PTPRD: variants seen among roughly 807,000 people sequenced by gnomAD.
PTPRD encodes receptor-type tyrosine-protein phosphatase delta.
PTPRD carries 34 observed loss-of-function variants against 214.5 expected under a neutral mutation model. The ratio of observed to expected loss-of-function variants is 0.16; its 90% CI spans 0.12 to 0.21. The LOEUF (loss-of-function observed/expected upper bound fraction) is 0.21, where lower values mean the gene tolerates loss of function less well. Among genes scored for constraint, PTPRD ranks in the 10% least tolerant of loss-of-function variants. The probability of loss-of-function intolerance (pLI) is 1.00; values close to 1 mark genes in which losing one functional copy is unlikely to be tolerated. For synonymous variants in PTPRD, 1,128 were observed against 845.7 expected (o/e 1.33, Z -5.79); for missense variants, 2,545 against 2,398.7 (o/e 1.06, Z -1.27).
chr9:9,755,210 G>T (rs1046817865), intron 6 of PTPRD, among the ~76,000 whole-genome samples: 2 of 151,990 alleles, frequency 1.3e-5, no homozygotes, highest in Non-Finnish European at 2.9e-5. Context: ...GACTGCAGAA[G>T]ATCAGGAGAA....
intron 3 of PTPRD, among the ~76,000 whole-genome samples, chr9:10,267,410 G>A (rs986807416): frequency 5.9e-5 from 9 of 152,002 alleles, no homozygotes; most frequent in South Asian, 4.1e-4. Flanking sequence ...AAAAATGTAC[G>A]TTAATGTATT....
chr9:9,324,669 T>C lies in PTPRD; in HGVS notation c.-203+72780A>G, dbSNP rs563127894. Among the ~76,000 whole-genome samples, 17 of 152,270 alleles carry C rather than the reference T, an allele frequency of 1.1e-4. No individual in the cohort carries two copies. In the South Asian group the frequency reaches 2.9e-3, roughly 26 times the overall value. On this transcript the variant is annotated intron_variant, in intron 9 of 45. Transcript: ENST00000381196. ...CTGTTCACTCTGATGGTAGTTTCTTTTGCTGTGCAGAAGCTCTTTAGTTTA... is the reference window on the plus strand; with the variant it reads ...CTGTTCACTCTGATGGTAGTTTCTTCTGCTGTGCAGAAGCTCTTTAGTTTA...
At chr9:10,151,681 A>G (rs952229970) in intron 3 of PTPRD, among the ~76,000 whole-genome samples, 2 of 152,098 alleles carry the variant, frequency 1.3e-5, no homozygotes, top group African/African-American at 4.8e-5. Context: ...AACGACCACC[A>G]CCACAATCAA....
At chr9:10,459,779 C>A (rs573744956) in intron 2 of PTPRD, among the ~76,000 whole-genome samples, 1 of 151,054 alleles carries the variant, frequency 6.6e-6, no homozygotes, top group South Asian at 2.1e-4. Context: ...TATTTAAGTT[C>A]CTTGTGGATT....
intron 11 of PTPRD, among the ~76,000 whole-genome samples, chr9:8,894,501 G>A (rs1587570688): frequency 6.6e-6 from 1 of 151,566 alleles, no homozygotes; most frequent in African/African-American, 2.4e-5. Context: ...ATCCTGATAG[G>A]AGTCAGAATG....
chr9:9,519,338 T>C (rs1238592152), intron 8 of PTPRD, among the ~76,000 whole-genome samples: 1 of 130,048 alleles, frequency 7.7e-6, no homozygotes. Context: ...AGAAAGACAA[T>C]GAAAATAAGA....
In PTPRD at chr9:9,208,277, G is replaced by T. The variant is rs1311522866; in HGVS notation, c.-202-24914C>A. ...GATCTGCCCGCCTCGGCCTCCCAAA[G>T]TGCTGGGATTACAGGCGTGAGCCAC... On this transcript the variant is annotated intron_variant, in intron 9 of 45. Transcript: ENST00000381196. Among the ~76,000 whole-genome samples the T allele has an allele frequency of 2.0e-5, 3 of 151,820 alleles. No homozygotes were observed. In the South Asian group the frequency reaches 6.2e-4, roughly 32 times the overall value.
Position 10,259,521 on chromosome 9 carries a change from T to C in PTPRD, c.-545+81442A>G, listed in dbSNP as rs564091678. Among the ~76,000 whole-genome samples, 3 of 152,284 alleles carry C rather than the reference T, an allele frequency of 2.0e-5. No individual in the cohort carries two copies. In the South Asian group the frequency reaches 6.2e-4, roughly 32 times the overall value. On this transcript the variant is annotated intron_variant, in intron 3 of 45. Transcript: ENST00000381196. The stretch of plus-strand genomic sequence containing the variant: ...CCTCCAAATAGGAGTCGCTGCTGTT[T>C]TACACCTTTAGGATCAGCCCAAGAC...
chr9:9,269,292 A>C (rs1325299506), intron 9 of PTPRD, among the ~76,000 whole-genome samples: 4 of 151,384 alleles, frequency 2.6e-5, no homozygotes, highest in Non-Finnish European at 5.9e-5. Context: ...CACGCAAATC[A>C]AAACCACAAT....
At chr9:10,303,739 A>C (rs1408662720) in intron 3 of PTPRD, among the ~76,000 whole-genome samples, 1 of 152,192 alleles carries the variant, frequency 6.6e-6, no homozygotes, top group Non-Finnish European at 1.5e-5. Flanking sequence ...TGAATAGACC[A>C]ATACAAAGTT....
intron 2 of PTPRD, among the ~76,000 whole-genome samples, chr9:10,361,819 T>G (rs771057515): frequency 5.3e-5 from 8 of 152,140 alleles, no homozygotes; most frequent in Non-Finnish European, 1.0e-4. Context: ...AAATACCTGC[T>G]CATATACCAA....
intron 3 of PTPRD, among the ~76,000 whole-genome samples, chr9:10,079,219 A>G (rs1211958315): frequency 2.0e-5 from 3 of 152,086 alleles, no homozygotes; most frequent in Non-Finnish European, 4.4e-5. Context: ...TTCCAGGTTA[A>G]GGTTGTGCCT....
chr9:9,271,454 G>T (rs4289870), intron 9 of PTPRD, among the ~76,000 whole-genome samples: 1 of 151,118 alleles, frequency 6.6e-6, no homozygotes, highest in South Asian at 2.1e-4. Flanking sequence ...CTGAATAGAA[G>T]ATAAATACAG....
intron 11 of PTPRD, among the ~76,000 whole-genome samples, chr9:8,785,838 C>A (rs1467527069): frequency 1.3e-5 from 2 of 152,098 alleles, no homozygotes; most frequent in African/African-American, 4.8e-5. Context: ...CTAGCAAAAG[C>A]ATAAGGAACA....
intron 7 of PTPRD, among the ~76,000 whole-genome samples, chr9:9,689,791 G>A (rs114576518): frequency 2.3e-3 from 347 of 151,874 alleles, no homozygotes; most frequent in African/African-American, 7.1e-3. Context: ...CTCCAGTTCC[G>A]TAGACGTTGC....
At position 9,842,439 on chromosome 9, in the gene PTPRD, G is replaced by T. The variant is rs372037319; in HGVS notation, c.-367-75588C>A. On this transcript the variant is annotated intron_variant, in intron 5 of 45. Coordinates refer to ENST00000381196, the MANE Select transcript of PTPRD (RefSeq NM_002839.4). The stretch of plus-strand genomic sequence containing the variant: ...GATTAAATCCATGATAATATTGATA[G>T]CTATTAACCAAAGCTATTAATTCAA... Among the ~76,000 whole-genome samples the T allele has an allele frequency of 2.7e-5, 4 of 149,918 alleles. No homozygotes were observed. The South Asian group carries it at 8.4e-4, about 31-fold the overall frequency.
At chr9:10,316,403 T>G (rs1159921674) in intron 3 of PTPRD, among the ~76,000 whole-genome samples, 1 of 151,608 alleles carries the variant, frequency 6.6e-6, no homozygotes. Context: ...GAAGGGCAAA[T>G]GAGAGAAAAA....
At chr9:9,046,447 T>C (rs532203095) in intron 10 of PTPRD, among the ~76,000 whole-genome samples, 43 of 152,266 alleles carry the variant, frequency 2.8e-4, no homozygotes, top group African/African-American at 1.0e-3. Context: ...TCTGTTTCCA[T>C]TTGGAGACTT....
chr9:9,895,298 TG>T (rs1336818797), intron 5 of PTPRD, among the ~76,000 whole-genome samples: 1 of 149,132 alleles, frequency 6.7e-6, no homozygotes, highest in Non-Finnish European at 1.5e-5. Context: ...ACACCTTAGG[TG>T]GTAACAGTGG....
Sources: allele counts gnomAD v4.1 joint callset (sites outside exome capture counted in the v4.1 genomes callset), GRCh38; gene constraint gnomAD v4.1.1; transcripts MANE v1.5; gene names NCBI Gene and HGNC (gene_info 2026-07-23, HGNC 2026-07-21).